Variants in HSF4 observed in about 807,000 individuals in gnomAD.
HSF4 encodes the protein heat shock factor protein 4.
HSF4 carries 41 observed loss-of-function variants against 52.0 expected under a neutral mutation model. The observed-to-expected ratio is 0.79, with a 90% CI of 0.61 to 1.02. The LOEUF (loss-of-function observed/expected upper bound fraction) is 1.02. Ranked by LOEUF, HSF4 falls within the 50% of genes least tolerant of loss-of-function variation. HSF4 has a pLI of 0.00. For synonymous variants in HSF4, 285 were observed against 273.0 expected (o/e 1.04, Z -0.43); for missense variants, 610 against 651.1 (o/e 0.94, Z 0.69).
At position 67,165,463 on chromosome 16, in the gene HSF4, G is replaced by C. The variant is rs2031188848; in HGVS notation, c.124-59G>C. The C allele has an allele frequency of 4.1e-6, 6 of 1,476,110 alleles. No individual in the cohort carries two copies. The highest frequency in any genetic ancestry group is 3.5e-4 in the Middle Eastern group (2 of 5,736). 91.4% of individuals were successfully genotyped at this position (1,476,110 alleles called of 1,614,324 possible). The stretch of plus-strand genomic sequence containing the variant: ...CTGGAGCGCAGGACTGGCCGTGAGC[G>C]GGCACCGCTCACCCTCCTGGTCTCC... On this transcript the variant is annotated intron_variant, in intron 1 of 12. Transcript: ENST00000521374. The surrounding 1 kb of genome is among the most constrained non-coding windows in gnomAD (Gnocchi z 6.9).
rs1460420656 is a variant in HSF4 at position 67,169,453 on chromosome 16, A to G, written c.1324+105A>G. 1 of 1,569,012 alleles carries G rather than the reference A, an allele frequency of 6.4e-7. No individual in the cohort carries two copies. Among genetic ancestry groups the G allele is most frequent in the East Asian group, 2.4e-5 (1 of 42,286 alleles). On this transcript the variant is annotated intron_variant, in intron 12 of 12. Coordinates refer to ENST00000521374, the MANE Select transcript of HSF4 (RefSeq NM_001374675.1). This position sits in a 1 kb window ranked among gnomAD's most constrained non-coding sequence, Gnocchi z 4.3. ...CAATTTGCAGGGAAATCCTGAGTTC[A>G]GGCTGCACTGCAGAGCGTTCCTTGA...
chr16:67,164,732 CG>C, upstream of HSF4: 2 of 1,467,852 alleles, frequency 1.4e-6, no homozygotes. Context: ...GCGGAGCGGG[CG>C]GCAAACGCAG....
At chr16:67,166,875 A>T (rs537234439) in intron 6 of HSF4, among the ~76,000 whole-genome samples, 1 of 151,918 alleles carries the variant, frequency 6.6e-6, no homozygotes, top group Non-Finnish European at 1.5e-5. Context: ...CCCTCCGGCA[A>T]GGCTTCCCAA....
Position 67,167,165 on chromosome 16 carries a change from G to A in HSF4, c.672G>A (p.Lys224=), listed in dbSNP as rs940638646. The change falls in exon 7 of 13, where the codon AAG becomes AAA. Residue 224 remains lysine (K), a synonymous_variant. Transcript: ENST00000521374. The part of the protein sequence containing the change: ...DEGSSCPTPA[K]FNTCPLPGAL... ...GGAGCTCATGCCCAACACCTGCCAAGTTCAACACCTGCCCTCTACCTGGTG... is the reference window on the plus strand; with the variant it reads ...GGAGCTCATGCCCAACACCTGCCAAATTCAACACCTGCCCTCTACCTGGTG... 6.2e-7 allele frequency: 1 copy of A among 1,614,178 alleles called. No individual in the cohort carries two copies.
chr16:67,167,056 C>T (rs2031356693), intron 6 of HSF4, 64 bp from the exon 7 acceptor site: 35 of 1,611,312 alleles, frequency 2.2e-5, no homozygotes, highest in Non-Finnish European at 2.9e-5. Context: ...GAGGGAAGTG[C>T]AGGCCGAGGT....
At chr16:67,164,676 C>G (rs2031106061), upstream of HSF4, 3 of 1,052,688 alleles carry the variant, frequency 2.8e-6, no homozygotes, top group Non-Finnish European at 3.9e-6. Context: ...GCCCCGCGGG[C>G]TTGCACGTGG....
rs759143881 is a variant in HSF4 at position 67,169,756 on chromosome 16, T to C, written c.1450T>C (p.Leu484=). ...STPESRTASY[L]GPEASPSP ...TCCTGAGAGCCGGACTGCCTCCTACTTGGGCCCGGAAGCCAGTCCCTCCCC... is the reference window on the plus strand; with the variant it reads ...TCCTGAGAGCCGGACTGCCTCCTACCTGGGCCCGGAAGCCAGTCCCTCCCC... The change falls in exon 13 of 13, where the codon TTG becomes CTG. Residue 484 remains leucine (L), a synonymous_variant. Transcript: ENST00000521374. The surrounding 1 kb of genome is among the most constrained non-coding windows in gnomAD (Gnocchi z 4.3). The C allele has an allele frequency of 8.1e-6, 13 of 1,612,898 alleles. No individual in the cohort carries two copies. The highest frequency in any genetic ancestry group is 3.3e-5 in the Admixed American group (2 of 60,002).
Position 67,168,952 on chromosome 16 carries a change from G to C in HSF4, c.1188+16G>C, listed in dbSNP as rs777457324. On this transcript the variant is annotated intron_variant, in intron 10 of 12. Transcript: ENST00000521374. ...GCCTCTAGATGTGAGTACCCCTTCT[G>C]CTGAAACAGGGGCATGAGACCTGGT... The C allele has an allele frequency of 4.3e-6, 7 of 1,613,192 alleles. No individual in the cohort carries two copies. The highest frequency in any genetic ancestry group is 2.7e-5 in the African/African-American group (2 of 74,908).
rs2031629091 is a variant in HSF4 at position 67,169,893 on chromosome 16, C to G, written c.*108C>G. 8.9e-7 allele frequency: 1 copy of G among 1,120,294 alleles called. No individual in the cohort carries two copies. Among genetic ancestry groups the G allele is most frequent in the Non-Finnish European group, 1.4e-6 (1 of 740,302 alleles). 69.4% of individuals were successfully genotyped at this position (1,120,294 alleles called of 1,614,324 possible). ...AGCGAAGCCCCCACTACTAAATGGC[C>G]TCTCTCCACTACCCCGACTATCCCT... On this transcript the variant is annotated 3_prime_UTR_variant, in exon 13 of 13. Transcript: ENST00000521374. The surrounding 1 kb of genome is among the most constrained non-coding windows in gnomAD (Gnocchi z 4.3).
At chr16:67,164,363 G>A (rs2031081794), upstream of HSF4, 1 of 397,244 alleles carries the variant, frequency 2.5e-6, no homozygotes, top group Admixed American at 2.9e-5. Flanking sequence ...GGCGGGAGGG[G>A]GCGTGCTTCC....
At position 67,165,897 on chromosome 16, in the gene HSF4, G is replaced by A. The variant is rs574654720; in HGVS notation, c.361-49G>A. The A allele has an allele frequency of 1.1e-4, 174 of 1,594,278 alleles. 4 individuals carry two copies. In the South Asian group the frequency reaches 1.8e-3, roughly 16 times the overall value. ...AAAGAGGAGGAGGGGTGCTGGGACT[G>A]CCTGCCTTGCTCCTGCGACCCAGTC... On this transcript the variant is annotated intron_variant, in intron 3 of 12. Transcript: ENST00000521374. The surrounding 1 kb of genome is among the most constrained non-coding windows in gnomAD (Gnocchi z 6.9).
chr16:67,166,229 G>A, intron 4 of HSF4, 91 bp from the exon 5 acceptor site: 5 of 1,401,024 alleles, frequency 3.6e-6, no homozygotes, highest in Non-Finnish European at 4.9e-6. Flanking sequence ...TCAGCGGGGT[G>A]GTCTCCTGGG....
Position 67,165,013 on chromosome 16 carries a change from C to A in HSF4, c.123+79C>A. On this transcript the variant is annotated intron_variant, in intron 1 of 12. Transcript: ENST00000521374. This position sits in a 1 kb window ranked among gnomAD's most constrained non-coding sequence, Gnocchi z 6.9. ...AGTGAACACCCATGCCCGCCCAACC[C>A]CCTCCTGAGACTGGGCCGTGGATCC... is the stretch of plus-strand genomic sequence containing the variant. 7.0e-7 allele frequency: 1 copy of A among 1,418,508 alleles called. No individual in the cohort carries two copies. Among genetic ancestry groups the A allele is most frequent in the Non-Finnish European group, 9.4e-7 (1 of 1,059,888 alleles). The allele number at this position is 1,418,508 out of a possible 1,614,324, so 87.9% of individuals were successfully genotyped here. A position where few individuals can be genotyped will look rare whatever the true frequency, so the allele number is the denominator to read the frequency against.
At position 67,166,697 on chromosome 16, in the gene HSF4, C is replaced by T. The variant is rs1310287906; in HGVS notation, c.626+75C>T. 21 of 1,330,794 alleles carry T rather than the reference C, an allele frequency of 1.6e-5. No individual in the cohort carries two copies. The Admixed American group carries it at 3.2e-4, about 20-fold the overall frequency. The allele number at this position is 1,330,794 out of a possible 1,614,324, so 82.4% of individuals were successfully genotyped here. A position where few individuals can be genotyped will look rare whatever the true frequency, so the allele number is the denominator to read the frequency against. ...AAGTCCCCTTGCAAGGACCCCTTCTCCTCTGGAAACTCCTTCACCGGGAAT... is the reference window on the plus strand; with the variant it reads ...AAGTCCCCTTGCAAGGACCCCTTCTTCTCTGGAAACTCCTTCACCGGGAAT... On this transcript the variant is annotated intron_variant, in intron 6 of 12. Coordinates refer to ENST00000521374, the MANE Select transcript of HSF4 (RefSeq NM_001374675.1).
At chr16:67,167,447 A>G (rs763229718) in intron 7 of HSF4, 28 bp from the exon 8 acceptor site, 6 of 1,613,660 alleles carry the variant, frequency 3.7e-6, no homozygotes, top group Non-Finnish European at 4.2e-6. Flanking sequence ...CTACAGGCCA[A>G]GGGCTGGGCC....
At position 67,165,285 on chromosome 16, in the gene HSF4, A is replaced by G. The variant is rs551096012; in HGVS notation, c.124-237A>G. ...GAACCCCGTCAGCCTCTCCTTTCTG[A>G]GAACTGAGTATGGAGTCAGGGTCTG... is the stretch of plus-strand genomic sequence containing the variant. On this transcript the variant is annotated intron_variant, in intron 1 of 12. Transcript: ENST00000521374. The surrounding 1 kb of genome is among the most constrained non-coding windows in gnomAD (Gnocchi z 6.9). 415 of 599,164 alleles carry G rather than the reference A, an allele frequency of 6.9e-4. 1 individual carries two copies. The highest frequency in any genetic ancestry group is 1.8e-3 in the Middle Eastern group (4 of 2,252). 37.1% of individuals were successfully genotyped at this position (599,164 alleles called of 1,614,324 possible). A position where few individuals can be genotyped will look rare whatever the true frequency, so the allele number is the denominator to read the frequency against.
chr16:67,164,370 T>G (rs958882301), upstream of HSF4: 16 of 395,604 alleles, frequency 4.0e-5, no homozygotes, highest in South Asian at 2.4e-4. Flanking sequence ...GGGGGCGTGC[T>G]TCCCTGCCCC....
Position 67,169,498 on chromosome 16 carries a change from T to G in HSF4, c.1325-133T>G. ...CCTTGAGCCACCCATGCCCTCACCA[T>G]TGGGCGAGAGTGGGGAGGTTAAGAA... On this transcript the variant is annotated intron_variant, in intron 12 of 12. Transcript: ENST00000521374. This position sits in a 1 kb window ranked among gnomAD's most constrained non-coding sequence, Gnocchi z 4.3. The G allele has an allele frequency of 6.3e-7, 1 of 1,582,834 alleles. No individual in the cohort carries two copies. The highest frequency in any genetic ancestry group is 8.6e-7 in the Non-Finnish European group (1 of 1,169,350).
At position 67,165,433 on chromosome 16, in the gene HSF4, G is replaced by C. The variant is rs1403670095; in HGVS notation, c.124-89G>C. 1.4e-5 allele frequency: 17 copies of C among 1,185,324 alleles called. No homozygotes were observed. The highest frequency in any genetic ancestry group is 8.8e-6 in the Non-Finnish European group (7 of 794,890). The allele number at this position is 1,185,324 out of a possible 1,614,324, so 73.4% of individuals were successfully genotyped here. On this transcript the variant is annotated intron_variant, in intron 1 of 12. Coordinates refer to ENST00000521374, the MANE Select transcript of HSF4 (RefSeq NM_001374675.1). The surrounding 1 kb of genome is among the most constrained non-coding windows in gnomAD (Gnocchi z 6.9). ...CCCAAGAGTGAGCATGAGTGTGTGCGCGCGCTGGAGCGCAGGACTGGCCGT... is the reference window on the plus strand; with the variant it reads ...CCCAAGAGTGAGCATGAGTGTGTGCCCGCGCTGGAGCGCAGGACTGGCCGT...
Sources: gnomAD v4.1 joint callset for allele counts (sites outside exome capture counted in the v4.1 genomes callset) on GRCh38, gnomAD v4.1.1 for gene constraint, Gnocchi (gnomAD v3.1) non-coding constraint, MANE v1.5 for transcripts, NCBI Gene and HGNC (gene_info 2026-07-23, HGNC 2026-07-21) for gene names.